Variants in CFAP20DC observed in about 807,000 individuals in gnomAD.
CFAP20DC encodes the protein protein CFAP20DC.
CFAP20DC carries 84 observed loss-of-function variants against 101.7 expected under a neutral mutation model. That is an observed-to-expected ratio of 0.83 (90% CI 0.69 to 0.99). The LOEUF is 0.99. CFAP20DC is among the 50% of genes least tolerant of loss of function. The pLI, the probability that CFAP20DC is intolerant of heterozygous loss-of-function variation, is 0.00. For synonymous variants in CFAP20DC, 359 were observed against 351.2 expected (o/e 1.02, Z -0.25); for missense variants, 1,007 against 970.3 (o/e 1.04, Z -0.50).
chr3:58,986,805 G>A (rs1031967705), intron 4 of CFAP20DC, among the ~76,000 whole-genome samples: 1 of 151,590 alleles, frequency 6.6e-6, no homozygotes, highest in African/African-American at 2.4e-5. Flanking sequence ...TACTCTCACG[G>A]AAAAAACGAC....
downstream of CFAP20DC, chr3:58,741,881 A>G (rs574160212): frequency 5.8e-6 from 1 of 171,596 alleles, no homozygotes; most frequent in East Asian, 1.9e-4. Flanking sequence ...TGCCAATAAA[A>G]TGTGATCATA....
rs114907995 is a variant in CFAP20DC at position 58,831,924 on chromosome 3, T to C, written c.1972-35A>G. 986 of 1,585,768 alleles carry C rather than the reference T, an allele frequency of 6.2e-4. 9 individuals carry two copies. In the African/African-American group the frequency reaches 0.012, roughly 19 times the overall value. ...AGAGAGGAAAATAACAAAGGGTCAT[T>C]TGGCCTAATTCTACGGCTACTAACA... On this transcript the variant is annotated intron_variant, in intron 13 of 16. Transcript: ENST00000482387.
intron 5 of CFAP20DC, among the ~76,000 whole-genome samples, chr3:58,922,384 A>G (rs1412938896): frequency 6.6e-6 from 1 of 152,186 alleles, no homozygotes. Context: ...ATTTGGCCCC[A>G]CCAAGTCTCA....
At chr3:58,746,105 T>C (rs1872286) in intron 16 of CFAP20DC, among the ~76,000 whole-genome samples, 3,988 of 152,138 alleles carry the variant, frequency 0.026, 186 homozygotes, top group African/African-American at 0.09. Flanking sequence ...CCCCAAAACA[T>C]AGTGGATTTG....
intron 3 of CFAP20DC, among the ~76,000 whole-genome samples, chr3:58,720,914 G>C (rs558956575): frequency 6.6e-6 from 1 of 152,318 alleles, no homozygotes; most frequent in East Asian, 1.9e-4. Context: ...TATAACAAAG[G>C]AAGAGATTGA....
At chr3:58,791,606 T>C (rs920491912) in intron 15 of CFAP20DC, among the ~76,000 whole-genome samples, 6 of 152,332 alleles carry the variant, frequency 3.9e-5, no homozygotes, top group African/African-American at 1.2e-4. Context: ...GTATATTCAA[T>C]GTCACAGTTA....
intron 11 of CFAP20DC, among the ~76,000 whole-genome samples, chr3:58,865,132 T>C (rs1194245265): frequency 2.0e-5 from 3 of 151,442 alleles, no homozygotes; most frequent in Non-Finnish European, 4.4e-5. Flanking sequence ...GCTTATTTCA[T>C]TGGTAAAATC....
At position 58,732,466 on chromosome 3, in the gene CFAP20DC, C is replaced by T. The variant is rs1437016736; in HGVS notation, c.198-14838G>A. ...TCCAGGATGAATCAAGAGATGCTTT[C>T]ACTGACCTTTATCATTTCACGTGGA... is the stretch of plus-strand genomic sequence containing the variant. On this transcript the variant is annotated intron_variant, in intron 3 of 3. Coordinates refer to the CFAP20DC transcript ENST00000486145. This position sits in a 1 kb window ranked among gnomAD's most constrained non-coding sequence, Gnocchi z 5.4. 6.6e-6 allele frequency among the ~76,000 whole-genome samples: 1 copy of T among 152,202 alleles called. No homozygotes were observed. The highest frequency in any genetic ancestry group is 1.9e-4 in the East Asian group (1 of 5,194).
rs9878406 is a variant in CFAP20DC, at chr3:58,753,469, C to A, written c.2332+300G>T. Among the ~76,000 whole-genome samples, 426 of 152,174 alleles carry A rather than the reference C, an allele frequency of 2.8e-3. 2 individuals are homozygous for A. The highest frequency in any genetic ancestry group is 9.7e-3 in the African/African-American group (401 of 41,504). On this transcript the variant is annotated intron_variant, in intron 16 of 16. Coordinates refer to ENST00000482387, the MANE Select transcript of CFAP20DC (RefSeq NM_001394063.1). ...ATTCATAAAGGTCACACAGTGGGAACTGGTAGTGCTGAAATTCAGATGAAG... is the reference window on the plus strand; with the variant it reads ...ATTCATAAAGGTCACACAGTGGGAAATGGTAGTGCTGAAATTCAGATGAAG...
chr3:58,842,919 G>GCAGC (rs1389265004), intron 13 of CFAP20DC, among the ~76,000 whole-genome samples: 3 of 152,156 alleles, frequency 2.0e-5, no homozygotes, highest in Non-Finnish European at 2.9e-5. Flanking sequence ...ACCTCACACG[G>GCAGC]CAGCGTATTC....
intron 4 of CFAP20DC, among the ~76,000 whole-genome samples, chr3:58,981,047 C>T (rs1267518236): frequency 5.3e-5 from 8 of 152,022 alleles, no homozygotes; most frequent in African/African-American, 9.6e-5. Context: ...TCACAAGCAT[C>T]CTTATACACC....
At chr3:58,891,885 T>C (rs2082287890) in intron 6 of CFAP20DC, among the ~76,000 whole-genome samples, 1 of 152,260 alleles carries the variant, frequency 6.6e-6, no homozygotes, top group Admixed American at 6.5e-5. Context: ...TCTTTGCACA[T>C]GCCTGTGTCC....
chr3:58,944,151 C>T (rs901600733), intron 4 of CFAP20DC, among the ~76,000 whole-genome samples: 1 of 151,826 alleles, frequency 6.6e-6, no homozygotes, highest in Non-Finnish European at 1.5e-5. Context: ...AAACACTCTT[C>T]AGGATATTAT....
chr3:58,959,506 T>C (rs1454499111), intron 4 of CFAP20DC, among the ~76,000 whole-genome samples: 7 of 152,250 alleles, frequency 4.6e-5, no homozygotes, highest in East Asian at 1.9e-4. Flanking sequence ...TCAGCACTAT[T>C]TGTTGAAAAA....
chr3:58,997,719 C>T (rs535589605), intron 4 of CFAP20DC, among the ~76,000 whole-genome samples: 2 of 152,126 alleles, frequency 1.3e-5, no homozygotes, highest in African/African-American at 2.4e-5. Flanking sequence ...ATTTTAAGGA[C>T]CTCTAAGCCT....
At chr3:58,970,528 C>T (rs2091890282) in intron 4 of CFAP20DC, 1 of 152,188 alleles carries the variant, frequency 6.6e-6, no homozygotes, top group Non-Finnish European at 1.5e-5. Flanking sequence ...GGAACCAATC[C>T]TGCCGAAACC....
In CFAP20DC at chr3:58,724,311, T is replaced by A. The variant is rs577686164; in HGVS notation, c.198-6683A>T. Among the ~76,000 whole-genome samples, 2 of 152,288 alleles carry A rather than the reference T, an allele frequency of 1.3e-5. No homozygotes were observed. Among genetic ancestry groups the A allele is most frequent in the African/African-American group, 4.8e-5 (2 of 41,548 alleles). ...GAAAAGGGCTTGTGGGGTGCCTGTA[T>A]AAACTGGCCATAAAAATATGGGACA... On this transcript the variant is annotated intron_variant, in intron 3 of 3. Coordinates refer to the CFAP20DC transcript ENST00000486145. This position sits in a 1 kb window ranked among gnomAD's most constrained non-coding sequence, Gnocchi z 5.6.
chr3:58,769,452 C>T (rs2070633828), intron 15 of CFAP20DC, among the ~76,000 whole-genome samples: 1 of 152,178 alleles, frequency 6.6e-6, no homozygotes, highest in African/African-American at 2.4e-5. Flanking sequence ...CTGACTTCTT[C>T]ACATATTGAA....
At chr3:58,903,415 T>C (rs1216080562) in intron 6 of CFAP20DC, among the ~76,000 whole-genome samples, 2 of 152,162 alleles carry the variant, frequency 1.3e-5, no homozygotes, top group Admixed American at 6.5e-5. Context: ...TATTAAATGG[T>C]CTTATAGCCC....
Sources: allele counts gnomAD v4.1 joint callset (sites outside exome capture counted in the v4.1 genomes callset), GRCh38; gene constraint gnomAD v4.1.1; non-coding constraint Gnocchi (gnomAD v3.1); transcripts MANE v1.5; gene names NCBI Gene and HGNC (gene_info 2026-07-23, HGNC 2026-07-21).